PHF14: variants seen among roughly 807,000 people sequenced by gnomAD.
PHF14 encodes PHD finger protein 14.
In PHF14, 55 loss-of-function variants were observed where a neutral mutation model predicts 117.9. The ratio of observed to expected loss-of-function variants is 0.47; its 90% confidence interval spans 0.38 to 0.58. The LOEUF is 0.58. Among genes scored for constraint, PHF14 ranks in the 20% least tolerant of loss-of-function variants. The pLI is 0.00. For missense variants in PHF14, 978 were observed against 1,122.2 expected, an observed-to-expected ratio of 0.87 and a Z score of 1.84; for synonymous variants, 409 against 368.6, an observed-to-expected ratio of 1.11 and a Z score of -1.26.
At chr7:11,137,307 G>A (rs1441420473) in intron 17 of PHF14, among the ~76,000 whole-genome samples, 4 of 152,232 alleles carry the variant, frequency 2.6e-5, no homozygotes, top group Admixed American at 2.6e-4. Context: ...CTGCCAATTG[G>A]CTGCCATGTG....
chr7:11,102,893 C>T, intron 16 of PHF14: 1 of 1,121,254 alleles, frequency 8.9e-7, no homozygotes, highest in Non-Finnish European at 1.1e-6. Context: ...TGTTGATACA[C>T]AGTGTTTGGA....
chr7:10,989,576 A>G (rs1209990536), intron 3 of PHF14, among the ~76,000 whole-genome samples: 2 of 152,224 alleles, frequency 1.3e-5, no homozygotes, highest in Non-Finnish European at 2.9e-5. Context: ...AATGCAAACA[A>G]GCAGACCCTC....
Position 11,038,290 on chromosome 7 carries a change from G to A in PHF14, c.1981-470G>A, listed in dbSNP as rs1784376428. On this transcript the variant is annotated intron_variant, in intron 10 of 17. Coordinates refer to ENST00000634607, the MANE Select transcript of PHF14 (RefSeq NM_001007157.2). The stretch of plus-strand genomic sequence containing the variant: ...TACTAAAAATACAAAAGTTAGCTGG[G>A]CGTGGTGGAGGGTGCCTGTAATCCC... Among the ~76,000 whole-genome samples, 3 of 151,772 alleles carry A rather than the reference G, an allele frequency of 2.0e-5. No individual in the cohort carries two copies. The South Asian group carries it at 6.3e-4, about 32-fold the overall frequency.
In PHF14 at chr7:10,974,139, G is replaced by T; in HGVS notation, c.-185G>T. 1 of 598,756 alleles carries T rather than the reference G, an allele frequency of 1.7e-6. No individual in the cohort carries two copies. The highest frequency in any genetic ancestry group is 3.0e-6 in the Non-Finnish European group (1 of 333,248). 37.1% of individuals were successfully genotyped at this position (598,756 alleles called of 1,614,324 possible). On this transcript the variant is annotated 5_prime_UTR_variant, in exon 1 of 18. Coordinates refer to ENST00000634607, the MANE Select transcript of PHF14 (RefSeq NM_001007157.2). The stretch of plus-strand genomic sequence containing the variant: ...GCGGCCAGGGCCAGGCGAGGCCGGG[G>T]GGGCGGGGGGTTAGGGGACCGCGGG...
chr7:11,152,251 A>C (rs1178263822), intron 17 of PHF14, among the ~76,000 whole-genome samples: 1 of 152,178 alleles, frequency 6.6e-6, no homozygotes. Context: ...CTAACTGTAC[A>C]TACGGTATAT....
At chr7:11,023,525 A>G (rs1351211471) in intron 6 of PHF14, among the ~76,000 whole-genome samples, 1 of 152,162 alleles carries the variant, frequency 6.6e-6, no homozygotes, top group Non-Finnish European at 1.5e-5. Context: ...GCTGAGACAC[A>G]GTGAAATTGA....
chr7:11,106,003 A>C, intron 16 of PHF14: 1 of 984,896 alleles, frequency 1.0e-6, no homozygotes, highest in East Asian at 1.1e-4. Context: ...GGGCATGAGC[A>C]GATGGAAATC....
intron 17 of PHF14, among the ~76,000 whole-genome samples, chr7:11,164,806 A>G (rs540881198): frequency 6.6e-6 from 1 of 152,204 alleles, no homozygotes; most frequent in African/African-American, 2.4e-5. Context: ...TTTAAATTTT[A>G]CCAGTTTTCT....
chr7:10,991,227 C>T (rs1399589243), intron 4 of PHF14, among the ~76,000 whole-genome samples: 1 of 152,178 alleles, frequency 6.6e-6, no homozygotes, highest in Non-Finnish European at 1.5e-5. Context: ...GTTGCCCAGG[C>T]TGGAGTGCAG....
intron 2 of PHF14, among the ~76,000 whole-genome samples, 191 bp from the exon 3 acceptor site, chr7:10,982,181 C>G (rs1292477436): frequency 6.6e-6 from 1 of 152,140 alleles, no homozygotes; most frequent in Non-Finnish European, 1.5e-5. Flanking sequence ...TGAACTAAAA[C>G]CATTGTATCA....
chr7:11,096,156 C>T (rs936784126), intron 16 of PHF14, among the ~76,000 whole-genome samples: 7 of 151,806 alleles, frequency 4.6e-5, no homozygotes, highest in Admixed American at 2.6e-4. Context: ...TATTCTTTTT[C>T]GGTGTCTGAG....
intron 16 of PHF14, among the ~76,000 whole-genome samples, chr7:11,096,440 A>G (rs909207718): frequency 3.9e-5 from 6 of 152,154 alleles, no homozygotes; most frequent in African/African-American, 1.4e-4. Context: ...ATATATTTTT[A>G]CTTTAGGATG....
intron 4 of PHF14, among the ~76,000 whole-genome samples, chr7:10,994,265 C>G (rs546206734): frequency 2.6e-5 from 4 of 152,034 alleles, no homozygotes; most frequent in East Asian, 2.0e-4. Flanking sequence ...TGGTGAAACC[C>G]CATCTCTACT....
intron 14 of PHF14, among the ~76,000 whole-genome samples, chr7:11,058,848 A>T (rs1785107316): frequency 6.6e-6 from 1 of 152,194 alleles, no homozygotes; most frequent in Non-Finnish European, 1.5e-5. Flanking sequence ...TTACCTCAGA[A>T]ACTTACCAGC....
chr7:10,996,385 T>A (rs901193858), intron 4 of PHF14, among the ~76,000 whole-genome samples: 19 of 152,204 alleles, frequency 1.2e-4, no homozygotes, highest in Non-Finnish European at 2.4e-4. Context: ...TAAGACTAAA[T>A]GCTTGTAACA....
At chr7:11,025,849 C>T (rs60358801) in intron 6 of PHF14, among the ~76,000 whole-genome samples, 5 of 152,008 alleles carry the variant, frequency 3.3e-5, no homozygotes, top group Non-Finnish European at 5.9e-5. Flanking sequence ...CGGTGGCTCA[C>T]GCCTGTAATC....
At chr7:11,047,261 G>T (rs961782308) in intron 13 of PHF14, among the ~76,000 whole-genome samples, 1 of 151,584 alleles carries the variant, frequency 6.6e-6, no homozygotes, top group Non-Finnish European at 1.5e-5. Context: ...GTAGAGATGG[G>T]GTTTCACCGT....
chr7:11,104,789 A>G (rs1787204281), intron 16 of PHF14: 2 of 670,576 alleles, frequency 3.0e-6, no homozygotes, highest in Non-Finnish European at 3.7e-6. Context: ...CTGATTTAGT[A>G]GAAAATTTGC....
intron 1 of PHF14, 136 bp from the exon 2 acceptor site, chr7:10,974,699 C>G: frequency 1.6e-6 from 1 of 620,708 alleles, no homozygotes; most frequent in East Asian, 2.8e-5. Context: ...CCAACCTTCT[C>G]CTGACCCCTT....
Sources: allele counts gnomAD v4.1 joint callset (sites outside exome capture counted in the v4.1 genomes callset), GRCh38; gene constraint gnomAD v4.1.1; transcripts MANE v1.5; gene names NCBI Gene and HGNC (gene_info 2026-07-23, HGNC 2026-07-21).